The following SPATA17 variants were observed in gnomAD, a reference collection of about 807,000 sequenced individuals.
SPATA17 encodes the protein spermatogenesis-associated protein 17.
SPATA17 carries 53 observed loss-of-function variants against 62.2 expected under a neutral mutation model. The ratio of observed to expected loss-of-function variants is 0.85; its 90% CI spans 0.68 to 1.07. The LOEUF (loss-of-function observed/expected upper bound fraction) is 1.07. Among genes scored for constraint, SPATA17 ranks in the 50% least tolerant of loss-of-function variants. SPATA17 has a pLI of 0.00. For missense variants in SPATA17, 466 were observed against 425.5 expected (o/e 1.10, Z -0.84); for synonymous variants, 146 against 146.8 (o/e 0.99, Z 0.04).
intron 7 of SPATA17, among the ~76,000 whole-genome samples, chr1:217,776,180 T>G (rs1038474945): frequency 6.6e-6 from 1 of 152,140 alleles, no homozygotes; most frequent in Non-Finnish European, 1.5e-5. Flanking sequence ...ACAACAGGTT[T>G]GGCAAATGAC....
chr1:217,791,206 G>A (rs1673989265), intron 8 of SPATA17, among the ~76,000 whole-genome samples: 2 of 152,168 alleles, frequency 1.3e-5, no homozygotes, highest in Admixed American at 6.5e-5. Context: ...AATAGGAGAG[G>A]TAGTTACTGT....
chr1:217,726,693 C>A (rs560906462), intron 5 of SPATA17, among the ~76,000 whole-genome samples: 2 of 151,030 alleles, frequency 1.3e-5, no homozygotes, highest in South Asian at 4.2e-4. Flanking sequence ...TGCGTATTTC[C>A]CTTGTTTTCC....
intron 5 of SPATA17, among the ~76,000 whole-genome samples, chr1:217,703,909 C>G (rs1467555549): frequency 1.3e-5 from 2 of 151,926 alleles, no homozygotes; most frequent in Non-Finnish European, 2.9e-5. Flanking sequence ...TTATTGTCTG[C>G]TGTTAAACTC....
chr1:217,799,451 G>A lies in SPATA17; in HGVS notation c.873-2267G>A, dbSNP rs186939927. Among the ~76,000 whole-genome samples, 477 of 152,208 alleles carry A rather than the reference G, an allele frequency of 3.1e-3. 3 individuals carry two copies. The highest frequency in any genetic ancestry group is 5.5e-3 in the Non-Finnish European group (374 of 67,990). Reference sequence around the variant, plus strand: ...ACTCAGGGACATTGGGGCCACATTAGTTTGTTTGTGTGTGATGTCCATCCC... The same window carrying A: ...ACTCAGGGACATTGGGGCCACATTAATTTGTTTGTGTGTGATGTCCATCCC... On this transcript the variant is annotated intron_variant, in intron 8 of 10. Transcript: ENST00000366933.
At chr1:217,790,045 A>T (rs1428620899) in intron 8 of SPATA17, among the ~76,000 whole-genome samples, 1 of 152,202 alleles carries the variant, frequency 6.6e-6, no homozygotes, top group Non-Finnish European at 1.5e-5. Flanking sequence ...CTCAAAATTT[A>T]AAAAAGTAAA....
chr1:217,773,842 G>T (rs1476072365), intron 6 of SPATA17, among the ~76,000 whole-genome samples: 1 of 152,078 alleles, frequency 6.6e-6, no homozygotes, highest in Non-Finnish European at 1.5e-5. Flanking sequence ...CAAGATAGTT[G>T]CCCTTAGTTT....
At chr1:217,726,964 CT>C (rs1253708367) in intron 5 of SPATA17, among the ~76,000 whole-genome samples, 1 of 151,930 alleles carries the variant, frequency 6.6e-6, no homozygotes, top group African/African-American at 2.4e-5. Context: ...AAAAAAACTA[CT>C]GTCGGGGAGC....
At chr1:217,853,938 A>G (rs1336003614) in intron 9 of SPATA17, among the ~76,000 whole-genome samples, 2 of 152,188 alleles carry the variant, frequency 1.3e-5, no homozygotes, top group Non-Finnish European at 2.9e-5. Flanking sequence ...AATTAAATTT[A>G]AAGGAGTTTA....
At chr1:217,659,434 T>C (rs1670517513) in intron 3 of SPATA17, among the ~76,000 whole-genome samples, 1 of 152,074 alleles carries the variant, frequency 6.6e-6, no homozygotes, top group Non-Finnish European at 1.5e-5. Flanking sequence ...AGTGTGACTT[T>C]TATAAAATAA....
At chr1:217,850,452 G>A in intron 9 of SPATA17, 2 of 1,361,228 alleles carry the variant, frequency 1.5e-6, no homozygotes, top group African/African-American at 1.6e-5. Context: ...ACTCTTTCTG[G>A]ATGTTGTAGT....
intron 3 of SPATA17, among the ~76,000 whole-genome samples, chr1:217,659,663 A>G (rs1448737789): frequency 6.6e-6 from 1 of 152,072 alleles, no homozygotes; most frequent in Non-Finnish European, 1.5e-5. Flanking sequence ...ACTAAATACT[A>G]AACATCTTCT....
intron 5 of SPATA17, among the ~76,000 whole-genome samples, chr1:217,684,455 C>T (rs1193924636): frequency 2.0e-5 from 3 of 152,004 alleles, no homozygotes; most frequent in African/African-American, 7.2e-5. Context: ...TCCTCTGTCA[C>T]GCAGGCTGGA....
chr1:217,761,636 G>T (rs1673175077), intron 6 of SPATA17, among the ~76,000 whole-genome samples: 1 of 152,164 alleles, frequency 6.6e-6, no homozygotes, highest in African/African-American at 2.4e-5. Flanking sequence ...TGGACTAGGG[G>T]TAGGGGTAGG....
intron 5 of SPATA17, among the ~76,000 whole-genome samples, chr1:217,741,368 G>A (rs1356299215): frequency 6.6e-6 from 1 of 152,028 alleles, no homozygotes; most frequent in Non-Finnish European, 1.5e-5. Context: ...ACTTAGAAAA[G>A]ACTTGCACTT....
intron 5 of SPATA17, among the ~76,000 whole-genome samples, chr1:217,737,675 T>C (rs4846431): frequency 0.23 from 34,847 of 151,846 alleles, 4,412 homozygotes; most frequent in East Asian, 0.54. Context: ...GATATAGTTA[T>C]GAACAGTCAG....
At chr1:217,660,557 G>T (rs932874914) in intron 3 of SPATA17, among the ~76,000 whole-genome samples, 1 of 152,174 alleles carries the variant, frequency 6.6e-6, no homozygotes, top group Admixed American at 6.5e-5. Flanking sequence ...TCATAAAAAG[G>T]ATGATTCATA....
intron 1 of SPATA17, 127 bp downstream of exon 1, chr1:217,631,573 C>A (rs1669775910): frequency 1.1e-6 from 1 of 897,256 alleles, no homozygotes; most frequent in Non-Finnish European, 1.7e-6. Flanking sequence ...CAATTCTTCC[C>A]TTAATGGGCT....
intron 9 of SPATA17, 145 bp downstream of exon 9, chr1:217,801,995 C>A: frequency 1.2e-6 from 1 of 862,970 alleles, no homozygotes; most frequent in Non-Finnish European, 1.7e-6. Flanking sequence ...AAAGATGGTG[C>A]TGCTGACCTA....
At chr1:217,764,621 G>A (rs960357161) in intron 6 of SPATA17, among the ~76,000 whole-genome samples, 1 of 152,108 alleles carries the variant, frequency 6.6e-6, no homozygotes, top group Admixed American at 6.6e-5. Context: ...ATAAGAGTAC[G>A]TTTAGTTTTG....
Sources: allele counts gnomAD v4.1 joint callset (sites outside exome capture counted in the v4.1 genomes callset), GRCh38; gene constraint gnomAD v4.1.1; transcripts MANE v1.5; gene names NCBI Gene and HGNC (gene_info 2026-07-23, HGNC 2026-07-21).